BAZ1B: variants seen among roughly 807,000 people sequenced by gnomAD.
BAZ1B encodes the protein bromodomain adjacent to zinc finger domain 1B, also known as tyrosine-protein kinase BAZ1B.
Under a neutral mutation model 153.8 loss-of-function variants are expected in BAZ1B, and 22 were observed. The ratio of observed to expected loss-of-function variants is 0.14; its 90% CI spans 0.10 to 0.20. BAZ1B has a LOEUF of 0.20. Among genes scored for constraint, BAZ1B ranks in the 10% least tolerant of loss-of-function variants. BAZ1B has a pLI of 1.00. For synonymous variants in BAZ1B, 676 were observed against 633.4 expected (o/e 1.07, Z -1.01); for missense variants, 1,325 against 1,799.3 (o/e 0.74, Z 4.77).
chr7:73,521,598 C>G (rs1791045814), intron 1 of BAZ1B, among the ~76,000 whole-genome samples: 1 of 151,896 alleles, frequency 6.6e-6, no homozygotes. Context: ...GCCCCGGGGG[C>G]GGCCGAAGCG....
intron 7 of BAZ1B, among the ~76,000 whole-genome samples, chr7:73,476,311 T>G (rs1554572764): frequency 1.3e-5 from 2 of 152,224 alleles, no homozygotes; most frequent in East Asian, 3.8e-4. Context: ...GTATGTCGAT[T>G]ATTTCTTAAT....
chr7:73,444,397 C>T lies in BAZ1B; in HGVS notation c.3845-268G>A, dbSNP rs561663034. 5.3e-5 allele frequency among the ~76,000 whole-genome samples: 8 copies of T among 152,328 alleles called. No individual in the cohort carries two copies. In the South Asian group the frequency reaches 6.2e-4, roughly 12 times the overall value. The stretch of plus-strand genomic sequence containing the variant: ...GTCCTTCAGTACTTCTGTCCTGCCC[C>T]GTCCTGCAGTTACTCCCAGCCATAA... On this transcript the variant is annotated intron_variant, in intron 16 of 19. Transcript: ENST00000339594.
intron 3 of BAZ1B, 40 bp from the exon 4 acceptor site, chr7:73,498,738 A>G (rs2116412109): frequency 6.4e-7 from 1 of 1,556,718 alleles, no homozygotes; most frequent in East Asian, 2.2e-5. Context: ...GATAATAAAC[A>G]CCCAGAAACC....
intron 4 of BAZ1B, among the ~76,000 whole-genome samples, chr7:73,496,133 C>G (rs148619807): frequency 8.5e-4 from 130 of 152,202 alleles, no homozygotes; most frequent in African/African-American, 3.1e-3. Context: ...AATATAGAGG[C>G]AGAAGTAAGA....
intron 9 of BAZ1B, among the ~76,000 whole-genome samples, chr7:73,468,455 A>G (rs782320824): frequency 8.5e-5 from 13 of 152,240 alleles, no homozygotes; most frequent in Non-Finnish European, 1.6e-4. Flanking sequence ...AATGTCAGTA[A>G]CACTGAGGTT....
intron 6 of BAZ1B, among the ~76,000 whole-genome samples, chr7:73,480,151 C>T (rs923148258): frequency 6.8e-6 from 1 of 148,146 alleles, no homozygotes; most frequent in Non-Finnish European, 1.5e-5. Flanking sequence ...GAGCAAGACT[C>T]TGCCTCAAAA....
chr7:73,483,353 C>CTGAA (rs1217202273), intron 6 of BAZ1B, among the ~76,000 whole-genome samples: 1 of 152,122 alleles, frequency 6.6e-6, no homozygotes, highest in Non-Finnish European at 1.5e-5. Context: ...CAGCAAAACC[C>CTGAA]TGAATTAGCA....
chr7:73,490,006 C>T (rs566746593), intron 5 of BAZ1B, among the ~76,000 whole-genome samples: 8 of 152,110 alleles, frequency 5.3e-5, no homozygotes, highest in Non-Finnish European at 1.2e-4. Flanking sequence ...AGAGTTATTA[C>T]CTAAAGGTAC....
At chr7:73,480,297 TC>T (rs1789152947) in intron 6 of BAZ1B, among the ~76,000 whole-genome samples, 1 of 152,066 alleles carries the variant, frequency 6.6e-6, no homozygotes, top group South Asian at 2.1e-4. Flanking sequence ...ACATCTCATC[TC>T]CTCATACCTC....
chr7:73,514,232 A>C (rs1790700854), intron 1 of BAZ1B, among the ~76,000 whole-genome samples: 1 of 151,940 alleles, frequency 6.6e-6, no homozygotes, highest in South Asian at 2.1e-4. Flanking sequence ...AAAACAAAAC[A>C]AAAAAAAGTA....
chr7:73,455,022 C>G (rs2116255888), intron 13 of BAZ1B, among the ~76,000 whole-genome samples: 1 of 151,898 alleles, frequency 6.6e-6, no homozygotes. Flanking sequence ...CACCACCACA[C>G]TCGGGGTGTG....
chr7:73,463,192 AACTT>A, intron 11 of BAZ1B, 93 bp from the exon 12 acceptor site: 2 of 1,262,470 alleles, frequency 1.6e-6, no homozygotes, highest in Non-Finnish European at 2.2e-6. Flanking sequence ...ATTTCTAGAA[AACTT>A]ACTTAGATCT....
chr7:73,519,524 A>T (rs1383073398), intron 1 of BAZ1B, among the ~76,000 whole-genome samples: 1 of 152,242 alleles, frequency 6.6e-6, no homozygotes, highest in Non-Finnish European at 1.5e-5. Flanking sequence ...ACAGTTTTAA[A>T]TGCTGTTATG....
In BAZ1B at chr7:73,480,958, G is replaced by A. The variant is rs559804732; in HGVS notation, c.892-2389C>T. Among the ~76,000 whole-genome samples the A allele has an allele frequency of 5.3e-5, 8 of 152,082 alleles. No homozygotes were observed. The East Asian group carries it at 7.8e-4, about 15-fold the overall frequency. On this transcript the variant is annotated intron_variant, in intron 6 of 19. Coordinates refer to ENST00000339594, the MANE Select transcript of BAZ1B (RefSeq NM_032408.4). ...TTTTTTATTTTTGAGATGGAGTCTC[G>A]CTCTGTCTCCCAGTCCGGAGTGCAG...
chr7:73,511,292 G>A (rs1222190782), intron 1 of BAZ1B, among the ~76,000 whole-genome samples: 1 of 151,604 alleles, frequency 6.6e-6, no homozygotes, highest in East Asian at 1.9e-4. Flanking sequence ...AAAAAAAAAT[G>A]AAAAAAATGG....
intron 13 of BAZ1B, among the ~76,000 whole-genome samples, chr7:73,456,591 C>T (rs1297979981): frequency 1.3e-5 from 2 of 152,088 alleles, no homozygotes; most frequent in African/African-American, 4.8e-5. Flanking sequence ...ATCAAAACCA[C>T]AATGAGATAC....
intron 1 of BAZ1B, among the ~76,000 whole-genome samples, chr7:73,513,683 T>G (rs2115587324): frequency 6.6e-6 from 1 of 152,238 alleles, no homozygotes; most frequent in Middle Eastern, 3.4e-3. Context: ...AATCAGTAAG[T>G]GGACTTATTT....
chr7:73,463,080 A>T lies in BAZ1B; in HGVS notation c.3091T>A (p.Ser1031Thr), dbSNP rs1026515055. 14 of 1,613,590 alleles carry T rather than the reference A, an allele frequency of 8.7e-6. No individual in the cohort carries two copies. Among genetic ancestry groups the T allele is most frequent in the African/African-American group, 1.3e-5 (1 of 74,850 alleles). Reference sequence around the variant, plus strand: ...TTTGGCTTCCGTGCTAGATGAATAGAGTGAATAATGTCCTGGTACCTAGAA... The same window carrying T: ...TTTGGCTTCCGTGCTAGATGAATAGTGTGAATAATGTCCTGGTACCTAGAA... ...LEKRYQDIIH[S>T]IHLARKPNLG... The change falls in exon 12 of 20, where the codon TCT becomes ACT. Residue 1031 changes from serine to threonine, a missense_variant. Transcript: ENST00000339594.
rs148411803 is a variant in BAZ1B, at chr7:73,454,195, A to G, written c.3433-3201T>C. 2.8e-3 allele frequency among the ~76,000 whole-genome samples: 425 copies of G among 152,204 alleles called. 2 individuals are homozygous for G. Among genetic ancestry groups the G allele is most frequent in the African/African-American group, 1.0e-2 (415 of 41,548 alleles). ...TTAAAAATTAGCCAGGAATGGTAGC[A>G]GGCACCTGTAGTTCCAGCTACTCGG... On this transcript the variant is annotated intron_variant, in intron 13 of 19. Transcript: ENST00000339594.
Sources: gnomAD v4.1 joint callset for allele counts (sites outside exome capture counted in the v4.1 genomes callset) on GRCh38, gnomAD v4.1.1 for gene constraint, MANE v1.5 for transcripts, NCBI Gene and HGNC (gene_info 2026-07-23, HGNC 2026-07-21) for gene names.